GRK6: variants seen among roughly 807,000 people sequenced by gnomAD.
GRK6 encodes the protein G protein-coupled receptor kinase 6.
GRK6 carries 37 observed loss-of-function variants against 80.8 expected under a neutral mutation model. The ratio of observed to expected loss-of-function variants is 0.46; its 90% CI spans 0.35 to 0.60. GRK6 has a LOEUF of 0.60. GRK6 is among the 20% of genes least tolerant of loss of function. GRK6 has a pLI of 0.00. For synonymous variants in GRK6, 295 were observed against 320.9 expected (o/e 0.92, Z 0.86); for missense variants, 560 against 784.6 (o/e 0.71, Z 3.42).
chr5:177,436,038 C>T (rs1226800737), intron 11 of GRK6, 35 bp from the exon 12 acceptor site: 2 of 1,590,372 alleles, frequency 1.3e-6, no homozygotes, highest in South Asian at 1.1e-5. Flanking sequence ...CTGCCCGCCT[C>T]CTGCCCAGCC....
In GRK6 at chr5:177,426,777, C is replaced by T; in HGVS notation, c.-69C>T. The T allele has an allele frequency of 1.1e-6, 1 of 892,830 alleles. No individual in the cohort carries two copies. The highest frequency in any genetic ancestry group is 1.4e-6 in the Non-Finnish European group (1 of 738,358). The allele number at this position is 892,830 out of a possible 1,614,324, so 55.3% of individuals were successfully genotyped here. ...CGCGCCGAGCCGCGCCGATCGCCAT[C>T]CGGCCTCGGCACTCGCGCGCGATCC... On this transcript the variant is annotated 5_prime_UTR_variant, in exon 1 of 16. Coordinates refer to ENST00000355472, the MANE Select transcript of GRK6 (RefSeq NM_001004106.3).
chr5:177,436,182 G>C lies in GRK6; in HGVS notation c.1167G>C (p.Lys389Asn), dbSNP rs750946000. 1.9e-6 allele frequency: 3 copies of C among 1,614,098 alleles called. No individual in the cohort carries two copies. In the African/African-American group the frequency reaches 4.0e-5, roughly 22 times the overall value. Reference sequence around the variant, plus strand: ...GCCAGTCGCCCTTCCAGCAGAGGAAGAAGAAGATCAAGCGGGAGGAGGTGG... The same window carrying C: ...GCCAGTCGCCCTTCCAGCAGAGGAACAAGAAGATCAAGCGGGAGGAGGTGG... ...IAGQSPFQQR[K>N]KKIKREEVER... Residue 389 changes from lysine (K) to asparagine (N), a missense_variant, in exon 12 of 16, where the codon AAG becomes AAC. Transcript: ENST00000355472.
chr5:177,433,280 C>T (rs368309949), intron 6 of GRK6, 41 bp downstream of exon 6: 188 of 1,613,396 alleles, frequency 1.2e-4, no homozygotes, highest in Non-Finnish European at 1.4e-4. Context: ...GCCAGGTCGC[C>T]GGGGTTCTTC....
At chr5:177,430,620 T>C (rs112455738) in intron 1 of GRK6, 14 of 526,746 alleles carry the variant, frequency 2.7e-5, no homozygotes, top group African/African-American at 9.6e-5. Flanking sequence ...TGGAGCTACT[T>C]GGAACACTGT....
intron 11 of GRK6, 67 bp from the exon 12 acceptor site, chr5:177,436,006 G>T: frequency 7.1e-7 from 1 of 1,406,820 alleles, no homozygotes; most frequent in Non-Finnish European, 1.0e-6. Flanking sequence ...GTGCACTGGC[G>T]TTCCTGGGGC....
In GRK6 at chr5:177,432,018, G is replaced by C; in HGVS notation, c.172G>C (p.Glu58Gln). 2 of 1,613,366 alleles carry C rather than the reference G, an allele frequency of 1.2e-6. No homozygotes were observed. The highest frequency in any genetic ancestry group is 1.7e-5 in the Admixed American group (1 of 60,032). Residue 58 changes from glutamate (E) to glutamine (Q), a missense_variant, in exon 3 of 16, where the codon GAG (glutamate) becomes CAG (glutamine). Physicochemically the swap from Glu to Gln is conservative, Grantham distance 29. Around this residue, in one of 3 missense-constraint regions of GRK6, gnomAD observed 189 missense variants for 230.2 expected, o/e 0.82. Coordinates refer to ENST00000355472, the MANE Select transcript of GRK6 (RefSeq NM_001004106.3). ...AGAGCGTGACTATCACAGCCTGTGC[G>C]AGCGGCAGCCCATTGGGCGCCTGCT... ...SLERDYHSLC[E>Q]RQPIGRLLFR...
chr5:177,425,968 C>A (rs1046207951), upstream of GRK6, among the ~76,000 whole-genome samples: 1 of 152,218 alleles, frequency 6.6e-6, no homozygotes, highest in Non-Finnish European at 1.5e-5. Context: ...CCTTATAAGG[C>A]GGCAGAGGCC....
chr5:177,438,679 C>G (rs1186968623), intron 13 of GRK6: 1 of 152,158 alleles, frequency 6.6e-6, no homozygotes, highest in Non-Finnish European at 1.5e-5. Context: ...GCTGGGGGAC[C>G]CTGGGCAGGA....
intron 15 of GRK6, 131 bp downstream of exon 15, chr5:177,441,184 G>A (rs1764477546): frequency 6.8e-7 from 1 of 1,473,642 alleles, no homozygotes; most frequent in Admixed American, 1.9e-5. Context: ...CAGGGTCTCT[G>A]GCCTCATTCC....
chr5:177,438,309 G>A (rs933821452), intron 13 of GRK6, among the ~76,000 whole-genome samples: 10 of 152,006 alleles, frequency 6.6e-5, no homozygotes, highest in Non-Finnish European at 1.5e-4. Context: ...AGGAGGTTGC[G>A]GTGAGTTGAG....
intron 1 of GRK6, among the ~76,000 whole-genome samples, chr5:177,427,777 A>G (rs767765873): frequency 5.3e-5 from 8 of 152,202 alleles, no homozygotes; most frequent in Non-Finnish European, 4.4e-5. Context: ...GCAGTAAACA[A>G]GACCCATCTT....
At chr5:177,440,277 G>A (rs994526711) in intron 13 of GRK6, among the ~76,000 whole-genome samples, 2 of 152,230 alleles carry the variant, frequency 1.3e-5, no homozygotes, top group Non-Finnish European at 2.9e-5. Context: ...TGATTGGCTG[G>A]GAGAGAAGAC....
intron 9 of GRK6, among the ~76,000 whole-genome samples, chr5:177,434,326 C>T (rs762364747): frequency 1.1e-4 from 17 of 152,160 alleles, no homozygotes; most frequent in Non-Finnish European, 2.5e-4. Context: ...ACTTTGTCAC[C>T]CCTCCACCCC....
Position 177,434,182 on chromosome 5 carries a change from A to G in GRK6, c.929+78A>G. ...CAGCTGGGCCTGGACGGGGGTGGCC[A>G]AGGCTGCCGATCAGGCCAGACTACA... is the stretch of plus-strand genomic sequence containing the variant. On this transcript the variant is annotated intron_variant, in intron 9 of 15. Coordinates refer to ENST00000355472, the MANE Select transcript of GRK6 (RefSeq NM_001004106.3). The G allele has an allele frequency of 2.2e-6, 3 of 1,355,962 alleles. No individual in the cohort carries two copies. In the South Asian group the frequency reaches 4.4e-5, roughly 20 times the overall value. The allele number at this position is 1,355,962 out of a possible 1,614,324, so 84.0% of individuals were successfully genotyped here.
Position 177,432,788 on chromosome 5 carries a change from T to C in GRK6, c.422T>C (p.Leu141Pro). 2 of 1,610,122 alleles carry C rather than the reference T, an allele frequency of 1.2e-6. No homozygotes were observed. Among genetic ancestry groups the C allele is most frequent in the Non-Finnish European group, 1.7e-6 (2 of 1,177,574 alleles). The change falls in exon 5 of 16, where the codon CTT (leucine) becomes CCT (proline). Residue 141 changes from leucine to proline, a missense_variant. Around this residue, in one of 3 missense-constraint regions of GRK6, gnomAD observed 189 missense variants for 230.2 expected, o/e 0.82. Transcript: ENST00000355472. ...CTGGAGCAGGGTCCCTGCAAAGACC[T>C]TTTCCAGGAACTCACCCGGTAAGCC... is the stretch of plus-strand genomic sequence containing the variant. ...QRLEQGPCKD[L>P]FQELTRLTHE...
Position 177,428,553 on chromosome 5 carries a change from G to T in GRK6, c.52+1656G>T, listed in dbSNP as rs1763762954. ...CTCCCTCAGCCTCCCAAGTAGCTGG[G>T]ACTACAGGTGCATGCCACCACACCC... On this transcript the variant is annotated intron_variant, in intron 1 of 15. Coordinates refer to ENST00000355472, the MANE Select transcript of GRK6 (RefSeq NM_001004106.3). This position sits in a 1 kb window ranked among gnomAD's most constrained non-coding sequence, Gnocchi z 4.1. Among the ~76,000 whole-genome samples the T allele has an allele frequency of 6.6e-6, 1 of 152,182 alleles. No homozygotes were observed. Among genetic ancestry groups the T allele is most frequent in the Non-Finnish European group, 1.5e-5 (1 of 68,034 alleles).
intron 11 of GRK6, 55 bp from the exon 12 acceptor site, chr5:177,436,018 T>G: frequency 1.3e-6 from 2 of 1,491,522 alleles, no homozygotes; most frequent in Non-Finnish European, 1.9e-6. Context: ...TCCTGGGGCC[T>G]GAGGGTCCAC....
chr5:177,441,607 C>T, intron 15 of GRK6, 130 bp from the exon 16 acceptor site: 1 of 814,520 alleles, frequency 1.2e-6, no homozygotes, highest in Non-Finnish European at 2.1e-6. Flanking sequence ...GGAGAGGCCC[C>T]TCCCCAGAGT....
intron 8 of GRK6, 29 bp from the exon 9 acceptor site, chr5:177,433,885 C>T: frequency 6.5e-7 from 1 of 1,536,628 alleles, no homozygotes. Flanking sequence ...GCAGCTCCTG[C>T]CTGAGGGCTC....
Sources: gnomAD v4.1 joint callset for allele counts (sites outside exome capture counted in the v4.1 genomes callset) on GRCh38, gnomAD v4.1.1 for gene constraint, gnomAD v4.1.1 regional missense constraint, Gnocchi (gnomAD v3.1) non-coding constraint, MANE v1.5 for transcripts, NCBI Gene and HGNC (gene_info 2026-07-23, HGNC 2026-07-21) for gene names.